The following TNFSF4 variants were observed in gnomAD, a reference collection of about 807,000 sequenced individuals.
TNFSF4 encodes the protein TNF superfamily member 4, also known as tumor necrosis factor ligand superfamily member 4.
A neutral mutation model predicts 7.3 loss-of-function variants in TNFSF4; 4 were observed. The observed-to-expected ratio is 0.55, with a 90% confidence interval of 0.27 to 1.25. The LOEUF is 1.25. Among genes scored for constraint, TNFSF4 ranks in the 50% most tolerant of loss-of-function variants. The pLI is 0.12. For missense variants in TNFSF4, 181 were observed against 208.8 expected (o/e 0.87, Z 0.82); for synonymous variants, 76 against 83.7 (o/e 0.91, Z 0.50).
At chr1:173,270,225 A>C in the TNFSF4 span, among the ~76,000 whole-genome samples, 73 of 152,278 alleles carry the variant, frequency 4.8e-4, no homozygotes, top group African/African-American at 1.7e-3. Context: ...TATAAGTTTC[A>C]CATATCTGTT....
At chr1:173,448,666 A>G in the TNFSF4 span, among the ~76,000 whole-genome samples, 1 of 152,166 alleles carries the variant, frequency 6.6e-6, no homozygotes, top group African/African-American at 2.4e-5. Flanking sequence ...GAGCCAGGAA[A>G]AGGACTTTCA....
the TNFSF4 span, among the ~76,000 whole-genome samples, chr1:173,409,946 T>A: frequency 1.3e-5 from 2 of 152,156 alleles, no homozygotes; most frequent in Non-Finnish European, 2.9e-5. Context: ...GTATACATAT[T>A]ATACTTCAAT....
the TNFSF4 span, among the ~76,000 whole-genome samples, chr1:173,349,121 CG>C: frequency 6.6e-6 from 1 of 152,160 alleles, no homozygotes; most frequent in Non-Finnish European, 1.5e-5. Flanking sequence ...CTCCGCCCCC[CG>C]GGTTCACGCC....
the TNFSF4 span, among the ~76,000 whole-genome samples, chr1:173,341,134 C>T: frequency 6.6e-6 from 1 of 152,170 alleles, no homozygotes; most frequent in African/African-American, 2.4e-5. Context: ...CTGTGGCCTC[C>T]CCAGCCATGC....
upstream of TNFSF4, among the ~76,000 whole-genome samples, chr1:173,208,488 C>T (rs1650273777): frequency 6.6e-6 from 1 of 152,148 alleles, no homozygotes; most frequent in Non-Finnish European, 1.5e-5. Context: ...ATGTAAAGTA[C>T]ATTTATGACT....
At chr1:173,227,800 G>A in the TNFSF4 span, among the ~76,000 whole-genome samples, 1 of 152,220 alleles carries the variant, frequency 6.6e-6, no homozygotes, top group African/African-American at 2.4e-5. Flanking sequence ...TCCCACGCAT[G>A]GCTTGGAGGG....
chr1:173,379,304 C>T, the TNFSF4 span, among the ~76,000 whole-genome samples: 2 of 151,668 alleles, frequency 1.3e-5, no homozygotes, highest in Non-Finnish European at 2.9e-5. Flanking sequence ...CATCTGCTGA[C>T]TTGTGTTCTA....
chr1:173,264,552 C>T, the TNFSF4 span, among the ~76,000 whole-genome samples: 1 of 152,126 alleles, frequency 6.6e-6, no homozygotes, highest in Non-Finnish European at 1.5e-5. Context: ...CTTGAAACTG[C>T]AGACTTAGTA....
At chr1:173,318,301 GT>G in the TNFSF4 span, among the ~76,000 whole-genome samples, 3 of 141,574 alleles carry the variant, frequency 2.1e-5, no homozygotes, top group African/African-American at 3.1e-5. Flanking sequence ...TTAGCCGGAC[GT>G]GGTGGCAGGT....
the TNFSF4 span, among the ~76,000 whole-genome samples, chr1:173,349,091 C>T: frequency 2.0e-5 from 3 of 152,064 alleles, no homozygotes; most frequent in Non-Finnish European, 4.4e-5. Flanking sequence ...TGCAGTGGTG[C>T]AATCATGGCT....
chr1:173,319,751 C>A, the TNFSF4 span, among the ~76,000 whole-genome samples: 1 of 152,132 alleles, frequency 6.6e-6, no homozygotes, highest in African/African-American at 2.4e-5. Context: ...CTGAAGCAGA[C>A]CTGCAGAAGA....
the TNFSF4 span, among the ~76,000 whole-genome samples, chr1:173,294,362 AAATACTGC>A: frequency 6.0e-3 from 908 of 152,162 alleles, 5 homozygotes; most frequent in African/African-American, 0.021. Context: ...ACAGAAAACC[AAATACTGC>A]ACATTCTCAC....
the TNFSF4 span, among the ~76,000 whole-genome samples, chr1:173,370,396 G>T: frequency 2.6e-5 from 4 of 152,276 alleles, no homozygotes; most frequent in Non-Finnish European, 5.9e-5. Flanking sequence ...ATCCCCACTG[G>T]GACCTAGACT....
chr1:173,280,955 C>T, the TNFSF4 span, among the ~76,000 whole-genome samples: 1 of 152,078 alleles, frequency 6.6e-6, no homozygotes, highest in African/African-American at 2.4e-5. Context: ...TTCTCAGTTG[C>T]TAGATTTAAC....
the TNFSF4 span, among the ~76,000 whole-genome samples, chr1:173,360,158 G>A: frequency 6.6e-6 from 1 of 152,250 alleles, no homozygotes; most frequent in Non-Finnish European, 1.5e-5. Context: ...CTTGGAGAGA[G>A]AACTATATCC....
At chr1:173,438,788 T>C in the TNFSF4 span, among the ~76,000 whole-genome samples, 1 of 152,196 alleles carries the variant, frequency 6.6e-6, no homozygotes, top group Non-Finnish European at 1.5e-5. Context: ...AGCTGAAAGA[T>C]CAGTCTTATC....
chr1:173,321,821 C>T, the TNFSF4 span, among the ~76,000 whole-genome samples: 4 of 152,088 alleles, frequency 2.6e-5, no homozygotes, highest in Admixed American at 6.6e-5. Flanking sequence ...AAATGAGATG[C>T]TGGAGAGGAT....
the TNFSF4 span, among the ~76,000 whole-genome samples, chr1:173,364,579 A>G: frequency 6.6e-6 from 1 of 152,018 alleles, no homozygotes; most frequent in African/African-American, 2.4e-5. Context: ...TACCTTTGCA[A>G]TTTTAAAAAT....
upstream of TNFSF4, among the ~76,000 whole-genome samples, chr1:173,212,159 A>T (rs112628990): frequency 0.028 from 4,316 of 152,218 alleles, 65 homozygotes; most frequent in Admixed American, 0.055. Flanking sequence ...TTGCAGGAAC[A>T]AATACAGTGA....
Sources: allele counts gnomAD v4.1 joint callset (sites outside exome capture counted in the v4.1 genomes callset), GRCh38; gene constraint gnomAD v4.1.1; transcripts MANE v1.5; gene names NCBI Gene and HGNC (gene_info 2026-07-23, HGNC 2026-07-21).